MACROD2: variants seen among roughly 807,000 people sequenced by gnomAD.
The protein encoded by MACROD2 is ADP-ribose glycohydrolase MACROD2.
A neutral mutation model predicts 70.4 loss-of-function variants in MACROD2; 36 were observed. That is an observed-to-expected ratio of 0.51 (90% CI 0.39 to 0.68). The LOEUF is 0.68. Ranked by LOEUF, MACROD2 falls within the 30% of genes least tolerant of loss-of-function variation. The pLI is 0.00. For missense variants in MACROD2, 496 were observed against 538.4 expected (o/e 0.92, Z 0.78); for synonymous variants, 172 against 178.8 (o/e 0.96, Z 0.30).
intron 8 of MACROD2, among the ~76,000 whole-genome samples, chr20:15,848,792 TTAG>T (rs558317814): frequency 7.4e-4 from 112 of 152,174 alleles, no homozygotes; most frequent in Non-Finnish European, 1.3e-4. Context: ...CCTAAGTCAG[TTAG>T]TAGTCATAAT....
At chr20:15,724,047 T>C (rs1342011530) in intron 8 of MACROD2, among the ~76,000 whole-genome samples, 4 of 152,212 alleles carry the variant, frequency 2.6e-5, no homozygotes, top group Non-Finnish European at 5.9e-5. Flanking sequence ...GTAGTACATT[T>C]TTCTCATATG....
chr20:15,486,434 G>C (rs1009646380), intron 7 of MACROD2, among the ~76,000 whole-genome samples: 3 of 152,122 alleles, frequency 2.0e-5, no homozygotes, highest in African/African-American at 7.2e-5. Context: ...AGACCTGTAG[G>C]GGAGCAAAAT....
intron 2 of MACROD2, among the ~76,000 whole-genome samples, chr20:14,076,459 TGGGC>T (rs2053917623): frequency 6.6e-6 from 1 of 151,782 alleles, no homozygotes; most frequent in Admixed American, 6.6e-5. Flanking sequence ...AAAATCAGTC[TGGGC>T]AACATGGTGA....
intron 5 of MACROD2, among the ~76,000 whole-genome samples, chr20:14,709,236 TTC>T (rs1309779690): frequency 1.3e-5 from 2 of 152,194 alleles, no homozygotes; most frequent in Admixed American, 1.3e-4. Flanking sequence ...ACTTTTTTTT[TTC>T]AGTCAAAAAT....
At chr20:15,505,070 A>G (rs1481054032) in intron 8 of MACROD2, among the ~76,000 whole-genome samples, 1 of 152,162 alleles carries the variant, frequency 6.6e-6, no homozygotes, top group African/African-American at 2.4e-5. Context: ...CTCATATGGC[A>G]TTTGGCTATT....
At chr20:14,100,889 TTAATA>T (rs1226049710) in intron 3 of MACROD2, among the ~76,000 whole-genome samples, 1 of 143,352 alleles carries the variant, frequency 7.0e-6, no homozygotes, top group Non-Finnish European at 1.5e-5. Flanking sequence ...TTATTTTTGA[TTAATA>T]TAATCAAAAT....
At chr20:14,348,035 G>A (rs923254078) in intron 3 of MACROD2, among the ~76,000 whole-genome samples, 1 of 152,156 alleles carries the variant, frequency 6.6e-6, no homozygotes, top group Admixed American at 6.5e-5. Context: ...GCTGAGGCAG[G>A]TGGATCATCT....
intron 5 of MACROD2, among the ~76,000 whole-genome samples, chr20:15,186,935 TAA>T (rs1384818353): frequency 2.0e-5 from 3 of 152,238 alleles, no homozygotes; most frequent in Non-Finnish European, 2.9e-5. Context: ...TAACATCTGA[TAA>T]GTTTTTAAAA....
intron 3 of MACROD2, among the ~76,000 whole-genome samples, chr20:14,186,983 GA>G (rs2081350027): frequency 6.6e-6 from 1 of 152,078 alleles, no homozygotes. Context: ...GGCAAGCATT[GA>G]AAAACTACCG....
At chr20:15,923,289 C>T (rs75578931) in intron 10 of MACROD2, among the ~76,000 whole-genome samples, 1 of 152,036 alleles carries the variant, frequency 6.6e-6, no homozygotes, top group Non-Finnish European at 1.5e-5. Flanking sequence ...GACTCTTCTT[C>T]CATGGCGGTG....
intron 4 of MACROD2, among the ~76,000 whole-genome samples, chr20:14,612,626 A>G (rs1386833191): frequency 1.3e-5 from 2 of 152,064 alleles, no homozygotes; most frequent in South Asian, 2.1e-4. Flanking sequence ...CAACTCTTGC[A>G]TAGTCCCCTA....
chr20:15,716,510 A>T (rs2050709704), intron 8 of MACROD2, among the ~76,000 whole-genome samples: 1 of 152,198 alleles, frequency 6.6e-6, no homozygotes, highest in African/African-American at 2.4e-5. Flanking sequence ...TTTTCAGGAG[A>T]TTAGCAGGGA....
chr20:14,596,913 C>T (rs1302823274), intron 4 of MACROD2, among the ~76,000 whole-genome samples: 1 of 152,160 alleles, frequency 6.6e-6, no homozygotes. Flanking sequence ...TTGAACATTT[C>T]ATATCCAGAA....
chr20:15,999,722 AC>A (rs1156932995), intron 15 of MACROD2, among the ~76,000 whole-genome samples: 1 of 152,152 alleles, frequency 6.6e-6, no homozygotes, highest in Non-Finnish European at 1.5e-5. Context: ...TATTACAATG[AC>A]CTTTTCTAGT....
In MACROD2 at chr20:14,280,116, A is replaced by G. The variant is rs1262755430; in HGVS notation, c.271+194388A>G. Among the ~76,000 whole-genome samples, 4 of 152,238 alleles carry G rather than the reference A, an allele frequency of 2.6e-5. No individual in the cohort carries two copies. In the East Asian group the frequency reaches 5.8e-4, roughly 22 times the overall value. ...TTCTATGATATCTTTCCTATTTTTAATGTCTATTTAGAACTTTAATTTATC... is the reference window on the plus strand; with the variant it reads ...TTCTATGATATCTTTCCTATTTTTAGTGTCTATTTAGAACTTTAATTTATC... On this transcript the variant is annotated intron_variant, in intron 3 of 17. Coordinates refer to ENST00000684519, the MANE Select transcript of MACROD2 (RefSeq NM_001351661.2).
chr20:15,992,211 T>C (rs2147482053), intron 15 of MACROD2, among the ~76,000 whole-genome samples: 1 of 152,312 alleles, frequency 6.6e-6, no homozygotes, highest in South Asian at 2.1e-4. Flanking sequence ...AAGAAAGTTA[T>C]GCAGGCCTCT....
intron 6 of MACROD2, among the ~76,000 whole-genome samples, chr20:15,261,371 T>G (rs1168635690): frequency 1.3e-5 from 2 of 152,012 alleles, no homozygotes; most frequent in African/African-American, 4.8e-5. Context: ...TAACCCAAAA[T>G]ATGATGAATC....
At chr20:15,266,487 A>C (rs964835159) in intron 6 of MACROD2, among the ~76,000 whole-genome samples, 2 of 152,188 alleles carry the variant, frequency 1.3e-5, no homozygotes, top group Admixed American at 6.5e-5. Context: ...TACACAGTTA[A>C]AGGAGAAAGG....
At chr20:15,345,353 T>C (rs921003005) in intron 6 of MACROD2, among the ~76,000 whole-genome samples, 3 of 152,212 alleles carry the variant, frequency 2.0e-5, no homozygotes, top group Admixed American at 1.3e-4. Flanking sequence ...GTGAACAAAA[T>C]AGACAATGAT....
Sources: allele counts gnomAD v4.1 joint callset (sites outside exome capture counted in the v4.1 genomes callset), GRCh38; gene constraint gnomAD v4.1.1; transcripts MANE v1.5; gene names NCBI Gene and HGNC (gene_info 2026-07-23, HGNC 2026-07-21).